The following IQCB1 variants were observed in gnomAD, a reference collection of about 807,000 sequenced individuals.
The protein encoded by IQCB1 is IQ motif containing B1.
Under a neutral mutation model 84.4 loss-of-function variants are expected in IQCB1, and 56 were observed. The observed-to-expected ratio is 0.66, with a 90% CI of 0.54 to 0.83. The LOEUF (loss-of-function observed/expected upper bound fraction) is 0.83. IQCB1 is among the 40% of genes least tolerant of loss of function. IQCB1 has a pLI of 0.00. For missense variants in IQCB1, 629 were observed against 682.1 expected (o/e 0.92, Z 0.87); for synonymous variants, 210 against 234.8 (o/e 0.89, Z 0.96).
intron 9 of IQCB1, 57 bp downstream of exon 9, chr3:121,797,061 T>C: frequency 1.1e-6 from 1 of 886,618 alleles, no homozygotes; most frequent in Non-Finnish European, 1.9e-6. Flanking sequence ...TAAGGAAAAC[T>C]AAGGTTTAAT....
Position 121,834,990 on chromosome 3 carries a change from A to G in IQCB1, c.-126T>C, listed in dbSNP as rs1198384301. On this transcript the variant is annotated 5_prime_UTR_variant, in exon 1 of 15. Transcript: ENST00000310864. ...CCTCATCCTCGCTTCGCGTTCTTCC[A>G]CTAAAGAACCTGGGGCTCCCACGCC... The G allele has an allele frequency of 6.5e-6, 3 of 458,802 alleles. No homozygotes were observed. The highest frequency in any genetic ancestry group is 5.2e-5 in the African/African-American group (2 of 38,744). The allele number at this position is 458,802 out of a possible 1,614,324, so 28.4% of individuals were successfully genotyped here. A position where few individuals can be genotyped will look rare whatever the true frequency, so the allele number is the denominator to read the frequency against.
chr3:121,790,239 A>G, intron 10 of IQCB1, 24 bp from the exon 11 acceptor site: 1 of 1,608,626 alleles, frequency 6.2e-7, no homozygotes, highest in Non-Finnish European at 8.5e-7. Flanking sequence ...AGTGTGTTAT[A>G]CATAATTTTC....
At chr3:121,770,596 C>A in intron 14 of IQCB1, 22 bp from the exon 15 acceptor site, 1 of 1,561,652 alleles carries the variant, frequency 6.4e-7, no homozygotes, top group Non-Finnish European at 8.8e-7. Context: ...AGAAAATAAA[C>A]AGATGAGCAG....
intron 9 of IQCB1, 150 bp from the exon 10 acceptor site, chr3:121,795,716 G>C (rs1364189665): frequency 3.1e-6 from 2 of 637,212 alleles, no homozygotes; most frequent in Non-Finnish European, 5.6e-6. Flanking sequence ...TCCCAAAGGA[G>C]GTATGTTAGG....
chr3:121,772,807 T>TAAAA, intron 13 of IQCB1, 94 bp from the exon 14 acceptor site: 1 of 1,071,400 alleles, frequency 9.3e-7, no homozygotes, highest in Non-Finnish European at 1.4e-6. Context: ...CTTAGCTGTC[T>TAAAA]CTCATTTTAT....
At chr3:121,772,444 G>A (rs1173545039) in intron 14 of IQCB1, 113 bp downstream of exon 14, 2 of 1,043,660 alleles carry the variant, frequency 1.9e-6, no homozygotes, top group Non-Finnish European at 3.0e-6. Flanking sequence ...ATTTCCTGAG[G>A]TTAGGGGATG....
At chr3:121,780,872 G>C (rs1457524542) in intron 13 of IQCB1, among the ~76,000 whole-genome samples, 2 of 116,098 alleles carry the variant, frequency 1.7e-5, no homozygotes, top group Non-Finnish European at 3.6e-5. Context: ...GTATGTGTGT[G>C]TGTGTGTGTG....
At chr3:121,797,632 C>A (rs2108567427) in intron 8 of IQCB1, among the ~76,000 whole-genome samples, 1 of 152,048 alleles carries the variant, frequency 6.6e-6, no homozygotes, top group Admixed American at 6.6e-5. Flanking sequence ...AATGCTTGCC[C>A]TGTGGAAGCA....
intron 5 of IQCB1, among the ~76,000 whole-genome samples, chr3:121,814,562 T>C (rs763386176): frequency 6.6e-5 from 10 of 151,760 alleles, no homozygotes; most frequent in Non-Finnish European, 1.5e-4. Context: ...ATAGACACAA[T>C]AAAAAATGAT....
At chr3:121,821,220 C>T (rs1950262986) in intron 5 of IQCB1, among the ~76,000 whole-genome samples, 3 of 152,128 alleles carry the variant, frequency 2.0e-5, no homozygotes, top group African/African-American at 7.2e-5. Flanking sequence ...GCCATCTCAG[C>T]CTCCCAAAGT....
At chr3:121,817,026 T>C (rs1167514807) in intron 5 of IQCB1, among the ~76,000 whole-genome samples, 1 of 152,150 alleles carries the variant, frequency 6.6e-6, no homozygotes, top group Non-Finnish European at 1.5e-5. Flanking sequence ...CCATCAATGA[T>C]AGATTGGACA....
chr3:121,771,989 C>T (rs1468856741), intron 14 of IQCB1, among the ~76,000 whole-genome samples: 7 of 152,026 alleles, frequency 4.6e-5, no homozygotes, highest in Admixed American at 3.9e-4. Flanking sequence ...TCCTGGCCAA[C>T]ATGGTGAAAC....
At chr3:121,799,107 T>C in intron 8 of IQCB1, 89 bp downstream of exon 8, 1 of 967,640 alleles carries the variant, frequency 1.0e-6, no homozygotes, top group South Asian at 1.4e-5. Context: ...TTATCAACTC[T>C]TTAAAATATA....
chr3:121,803,292 G>A (rs1395690199), intron 7 of IQCB1, among the ~76,000 whole-genome samples: 1 of 152,152 alleles, frequency 6.6e-6, no homozygotes, highest in Non-Finnish European at 1.5e-5. Flanking sequence ...CTGGACTTAA[G>A]TGATCTGCTC....
At chr3:121,814,672 A>C in intron 5 of IQCB1, among the ~76,000 whole-genome samples, 1 of 152,216 alleles carries the variant, frequency 6.6e-6, no homozygotes, top group East Asian at 1.9e-4. Flanking sequence ...GAAATGGACA[A>C]ATTCCTGGAC....
chr3:121,807,918 T>G (rs1949670014), intron 6 of IQCB1, among the ~76,000 whole-genome samples: 1 of 151,962 alleles, frequency 6.6e-6, no homozygotes, highest in African/African-American at 2.4e-5. Context: ...TTTTATTGAT[T>G]TGTAATCTTT....
intron 7 of IQCB1, among the ~76,000 whole-genome samples, chr3:121,806,276 A>C (rs528978962): frequency 6.6e-6 from 1 of 152,192 alleles, no homozygotes; most frequent in Non-Finnish European, 1.5e-5. Context: ...TTTTGTGTCT[A>C]GAGTTTTCTT....
intron 7 of IQCB1, among the ~76,000 whole-genome samples, chr3:121,804,976 T>C (rs1949552475): frequency 6.6e-6 from 1 of 152,218 alleles, no homozygotes; most frequent in Non-Finnish European, 1.5e-5. Context: ...GTTAATCTGC[T>C]GTTAATCCCA....
chr3:121,794,640 G>T (rs867533968), intron 10 of IQCB1, among the ~76,000 whole-genome samples: 4 of 151,810 alleles, frequency 2.6e-5, no homozygotes, highest in Admixed American at 6.6e-5. Flanking sequence ...CAATTAATAG[G>T]ATACCCACTA....
Sources: allele counts gnomAD v4.1 joint callset (sites outside exome capture counted in the v4.1 genomes callset), GRCh38; gene constraint gnomAD v4.1.1; transcripts MANE v1.5; gene names NCBI Gene and HGNC (gene_info 2026-07-23, HGNC 2026-07-21).